Variants in LCNL1 observed in about 807,000 individuals in gnomAD.
The protein encoded by LCNL1 is lipocalin-like 1 protein.
In LCNL1, 11 loss-of-function variants were observed where a neutral mutation model predicts 7.9. The observed-to-expected ratio is 1.40, with a 90% confidence interval of 0.88 to 2.32. LCNL1 has a LOEUF of 2.32. Among genes scored for constraint, LCNL1 ranks in the 30% most tolerant of loss-of-function variants. The pLI is 0.00. For missense variants in LCNL1, 218 were observed against 217.0 expected (o/e 1.00, Z -0.03); for synonymous variants, 90 against 92.5 (o/e 0.97, Z 0.15).
chr9:136,984,548 C>A lies in LCNL1; in HGVS notation c.181C>A (p.Gln61Lys). ...TTFTEGAVPG[Q>K]FSNPAMALSD... is the part of the protein sequence containing the mutation. The stretch of plus-strand genomic sequence containing the variant: ...CTTCACCGAGGGTGCTGTACCGGGG[C>A]AGTTCAGCAACCCAGGTGAGGTGGG... Residue 61 changes from glutamine to lysine, a missense_variant, in exon 2 of 3, where the codon CAG becomes AAG. Gln to Lys is a moderately conservative substitution (Grantham distance 53, BLOSUM62 1). Transcript: ENST00000408973. The A allele has an allele frequency of 6.3e-7, 1 of 1,574,824 alleles. No homozygotes were observed. The highest frequency in any genetic ancestry group is 8.6e-7 in the Non-Finnish European group (1 of 1,159,964).
At position 136,985,198 on chromosome 9, in the gene LCNL1, G is replaced by T. The variant is rs1230735824; in HGVS notation, c.*187G>T. On this transcript the variant is annotated 3_prime_UTR_variant, in exon 3 of 3. Coordinates refer to ENST00000408973, the MANE Select transcript of LCNL1 (RefSeq NM_207510.4). The stretch of plus-strand genomic sequence containing the variant: ...GCCCCGGGTCACACCCCTGCTGGAA[G>T]GGCCAGGCCCTGGTCACTCCACTGA... The T allele has an allele frequency of 4.9e-6, 3 of 612,192 alleles. No homozygotes were observed. The highest frequency in any genetic ancestry group is 2.8e-6 in the Non-Finnish European group (1 of 354,136). The allele number at this position is 612,192 out of a possible 1,614,324, so 37.9% of individuals were successfully genotyped here. A position where few individuals can be genotyped will look rare whatever the true frequency, so the allele number is the denominator to read the frequency against.
At chr9:136,983,990 CTA>C (rs1588489381) in intron 1 of LCNL1, 1 of 465,766 alleles carries the variant, frequency 2.1e-6, no homozygotes, top group South Asian at 2.6e-5. Context: ...GTATGTGTGT[CTA>C]TTTCTGCATG....
rs1830464897 is a variant in LCNL1 at position 136,983,550 on chromosome 9, C to T, written c.-37C>T. ...GGCACAGGGGCGGCCTCCCAGCCTT[C>T]CCTGCACTTGCCCTGCAGTTCCAGG... On this transcript the variant is annotated 5_prime_UTR_variant, in exon 1 of 3. Coordinates refer to ENST00000408973, the MANE Select transcript of LCNL1 (RefSeq NM_207510.4). The T allele has an allele frequency of 6.2e-7, 1 of 1,607,666 alleles. No homozygotes were observed. Among genetic ancestry groups the T allele is most frequent in the East Asian group, 2.2e-5 (1 of 44,670 alleles).
chr9:136,984,163 CTATG>C (rs1405432166), intron 1 of LCNL1: 1 of 441,052 alleles, frequency 2.3e-6, no homozygotes, highest in Non-Finnish European at 4.1e-6. Flanking sequence ...GTGTGCGTGT[CTATG>C]TGTGTGTCTG....
At chr9:136,983,779 G>C in intron 1 of LCNL1, 71 bp downstream of exon 1, 1 of 1,590,972 alleles carries the variant, frequency 6.3e-7, no homozygotes. Flanking sequence ...TGAAGGTCCA[G>C]AGGGACCATG....
At position 136,985,300 on chromosome 9, in the gene LCNL1, C is replaced by G; in HGVS notation, c.*289C>G. The G allele has an allele frequency of 2.4e-6, 1 of 409,140 alleles. No homozygotes were observed. The highest frequency in any genetic ancestry group is 4.4e-6 in the Non-Finnish European group (1 of 229,632). 25.3% of individuals were successfully genotyped at this position (409,140 alleles called of 1,614,324 possible). A position where few individuals can be genotyped will look rare whatever the true frequency, so the allele number is the denominator to read the frequency against. ...GGGGAGGGCGAGACGTTGCCCAGGC[C>G]GGTGTTCCCAGGAGGAGATCGCCTT... is the stretch of plus-strand genomic sequence containing the variant. On this transcript the variant is annotated 3_prime_UTR_variant, in exon 3 of 3. Transcript: ENST00000408973.
rs1830464368 is a variant in LCNL1, at chr9:136,983,482, G to A, written c.-105G>A. On this transcript the variant is annotated 5_prime_UTR_variant, in exon 1 of 3. Transcript: ENST00000408973. ...GTACAGCAGCCCCTGCCGTGGCCAG[G>A]AAGCAGCTGTGTCGGGGCAGAATGT... is the stretch of plus-strand genomic sequence containing the variant. The A allele has an allele frequency of 6.9e-7, 1 of 1,443,348 alleles. No individual in the cohort carries two copies. Among genetic ancestry groups the A allele is most frequent in the African/African-American group, 1.4e-5 (1 of 71,738 alleles). 89.4% of individuals were successfully genotyped at this position (1,443,348 alleles called of 1,614,324 possible).
chr9:136,985,157 CTGCTGG>C lies in LCNL1; in HGVS notation c.*147_*152del. On this transcript the variant is annotated 3_prime_UTR_variant, in exon 3 of 3. Transcript: ENST00000408973. ...AGTCGGGTGAGCGGTGCCGGCAGCC[CTGCTGG>C]GAGGGCCAGGCCCCGGGTCACACCC... 1.2e-6 allele frequency: 1 copy of C among 812,698 alleles called. No individual in the cohort carries two copies. The highest frequency in any genetic ancestry group is 1.9e-6 in the Non-Finnish European group (1 of 529,190). The allele number at this position is 812,698 out of a possible 1,614,324, so 50.3% of individuals were successfully genotyped here.
Position 136,984,867 on chromosome 9 carries a change from G to A in LCNL1, c.351G>A (p.Gly117=), listed in dbSNP as rs200579295. Residue 117 remains glycine, a synonymous_variant, in exon 3 of 3, where the codon GGG becomes GGA. Coordinates refer to ENST00000408973, the MANE Select transcript of LCNL1 (RefSeq NM_207510.4). The stretch of plus-strand genomic sequence containing the variant: ...GGAGACCCAGACACCCCCGCTTCGG[G>A]TCTGGGATGTCACCCCTGTGCCTGC... ...AGRRPRHPRF[G]SGMSPLCLHQ... The A allele has an allele frequency of 1.7e-5, 26 of 1,560,108 alleles. No homozygotes were observed. In the African/African-American group the frequency reaches 2.4e-4, roughly 15 times the overall value.
chr9:136,984,730 A>G lies in LCNL1; in HGVS notation c.214A>G (p.Ile72Val). The G allele has an allele frequency of 6.5e-7, 1 of 1,531,602 alleles. No individual in the cohort carries two copies. The highest frequency in any genetic ancestry group is 1.8e-4 in the Middle Eastern group (1 of 5,676). The allele number at this position is 1,531,602 out of a possible 1,614,324, so 94.9% of individuals were successfully genotyped here. A position where few individuals can be genotyped will look rare whatever the true frequency, so the allele number is the denominator to read the frequency against. Residue 72 changes from isoleucine to valine, a missense_variant, in exon 3 of 3, where the codon ATC (isoleucine) becomes GTC (valine). Coordinates refer to ENST00000408973, the MANE Select transcript of LCNL1 (RefSeq NM_207510.4). ...TCCTCCAGCCATGGCCCTGAGTGAC[A>G]TCCGAGTGGCCTTCTCCGACTACCA... The part of the protein sequence containing the change: ...FSNPAMALSD[I>V]RVAFSDYQHF...
chr9:136,983,689 C>T lies in LCNL1; in HGVS notation c.103C>T (p.Leu35Phe), dbSNP rs1158865781. ...VTPLGNGDLA[L>F]KFGYPTPHGG... is the part of the protein sequence containing the mutation. ...CCCCTTGGGGAATGGTGACCTGGCC[C>T]TCAAGTTTGGATACCCCACGTAAGT... The change falls in exon 1 of 3, where the codon CTC becomes TTC. Residue 35 changes from leucine (L) to phenylalanine (F), a missense_variant. Leu to Phe is a conservative substitution (Grantham distance 22, BLOSUM62 0). Coordinates refer to ENST00000408973, the MANE Select transcript of LCNL1 (RefSeq NM_207510.4). 3.1e-6 allele frequency: 5 copies of T among 1,613,838 alleles called. No individual in the cohort carries two copies. In the African/African-American group the frequency reaches 6.7e-5, roughly 22 times the overall value.
Position 136,985,075 on chromosome 9 carries a change from TGCAGCTACTG to T in LCNL1, c.*67_*76del, listed in dbSNP as rs1830486092. ...CTGTTTCCCGAAGGCGCCCAGAAGA[TGCAGCTACTG>T]GCGCCCCAAGTGGGCCTGAGCCCCA... On this transcript the variant is annotated 3_prime_UTR_variant, in exon 3 of 3. Transcript: ENST00000408973. The T allele has an allele frequency of 7.2e-7, 1 of 1,391,362 alleles. No individual in the cohort carries two copies. Among genetic ancestry groups the T allele is most frequent in the Non-Finnish European group, 9.5e-7 (1 of 1,047,166 alleles). The allele number at this position is 1,391,362 out of a possible 1,614,324, so 86.2% of individuals were successfully genotyped here. A position where few individuals can be genotyped will look rare whatever the true frequency, so the allele number is the denominator to read the frequency against.
chr9:136,984,313 ACCCAC>A, intron 1 of LCNL1, 172 bp from the exon 2 acceptor site: 1 of 563,304 alleles, frequency 1.8e-6, no homozygotes, highest in South Asian at 2.8e-5. Flanking sequence ...GGTACTTAAT[ACCCAC>A]CCCACCCCCA....
chr9:136,984,956 C>T lies in LCNL1; in HGVS notation c.440C>T (p.Pro147Leu). 1 of 1,550,444 alleles carries T rather than the reference C, an allele frequency of 6.4e-7. No homozygotes were observed. The highest frequency in any genetic ancestry group is 8.7e-7 in the Non-Finnish European group (1 of 1,146,966). Reference protein sequence around the residue: ...AGSWCLWPRVPAPPCPSLPLF... With the variant: ...AGSWCLWPRVLAPPCPSLPLF... ...TCCTGGTGTCTGTGGCCGCGGGTCCCGGCCCCTCCCTGCCCCTCTCTCCCT... is the reference window on the plus strand; with the variant it reads ...TCCTGGTGTCTGTGGCCGCGGGTCCTGGCCCCTCCCTGCCCCTCTCTCCCT... The change falls in exon 3 of 3, where the codon CCG (proline) becomes CTG (leucine). Residue 147 changes from proline (P) to leucine (L), a missense_variant. Pro to Leu is a moderately conservative substitution (Grantham distance 98). Transcript: ENST00000408973.
chr9:136,984,978 C>T lies in LCNL1; in HGVS notation c.462C>T (p.Leu154=). 1 of 1,547,310 alleles carries T rather than the reference C, an allele frequency of 6.5e-7. No individual in the cohort carries two copies. The highest frequency in any genetic ancestry group is 8.7e-7 in the Non-Finnish European group (1 of 1,144,714). The part of the protein sequence containing the change: ...PRVPAPPCPS[L]PLFAPPAPSL ...TCCCGGCCCCTCCCTGCCCCTCTCT[C>T]CCTCTCTTCGCCCCTCCAGCCCCTT... The change falls in exon 3 of 3, where the codon CTC becomes CTT. Residue 154 remains leucine, a synonymous_variant. Coordinates refer to ENST00000408973, the MANE Select transcript of LCNL1 (RefSeq NM_207510.4).
rs1176877698 is a variant in LCNL1, at chr9:136,985,066, C to T, written c.*55C>T. On this transcript the variant is annotated 3_prime_UTR_variant, in exon 3 of 3. Coordinates refer to ENST00000408973, the MANE Select transcript of LCNL1 (RefSeq NM_207510.4). The stretch of plus-strand genomic sequence containing the variant: ...GCGCCCGAGCTGTTTCCCGAAGGCG[C>T]CCAGAAGATGCAGCTACTGGCGCCC... 2 of 1,411,444 alleles carry T rather than the reference C, an allele frequency of 1.4e-6. No individual in the cohort carries two copies. Among genetic ancestry groups the T allele is most frequent in the Admixed American group, 2.7e-5 (1 of 36,840 alleles). 87.4% of individuals were successfully genotyped at this position (1,411,444 alleles called of 1,614,324 possible). A position where few individuals can be genotyped will look rare whatever the true frequency, so the allele number is the denominator to read the frequency against.
At position 136,984,925 on chromosome 9, in the gene LCNL1, G is replaced by A; in HGVS notation, c.409G>A (p.Ala137Thr). Reference sequence around the variant, plus strand: ...CTTTCTGCACGCGGAAGGTGGAACCGCTGGCTCCTGGTGTCTGTGGCCGCG... The same window carrying A: ...CTTTCTGCACGCGGAAGGTGGAACCACTGGCTCCTGGTGTCTGTGGCCGCG... ...QPFLHAEGGTAGSWCLWPRVP... is the reference protein window; with the variant it reads ...QPFLHAEGGTTGSWCLWPRVP... Residue 137 changes from alanine to threonine, a missense_variant, in exon 3 of 3, where the codon GCT becomes ACT. Ala to Thr is a moderately conservative substitution (Grantham distance 58). Transcript: ENST00000408973. 1.9e-6 allele frequency: 3 copies of A among 1,553,194 alleles called. No homozygotes were observed. The highest frequency in any genetic ancestry group is 1.7e-6 in the Non-Finnish European group (2 of 1,148,844).
At chr9:136,984,654 G>T (rs895043562) in intron 2 of LCNL1, 59 bp from the exon 3 acceptor site, 8 of 1,513,210 alleles carry the variant, frequency 5.3e-6, no homozygotes, top group African/African-American at 1.4e-5. Context: ...GGCGTGAGGG[G>T]TGCCACGCTC....
chr9:136,983,005 C>G lies in LCNL1; in HGVS notation c.-582C>G, dbSNP rs879023657. ...GCATCCCCAGGCCAGGCCCAGGTCCCCATCCAGGCCAACTTTGATGCCAGC... is the reference window on the plus strand; with the variant it reads ...GCATCCCCAGGCCAGGCCCAGGTCCGCATCCAGGCCAACTTTGATGCCAGC... On this transcript the variant is annotated 5_prime_UTR_variant, in exon 1 of 3. Transcript: ENST00000408973. The G allele has an allele frequency of 6.3e-6, 1 of 157,670 alleles. No homozygotes were observed. Among genetic ancestry groups the G allele is most frequent in the Non-Finnish European group, 1.4e-5 (1 of 70,948 alleles). 9.8% of individuals were successfully genotyped at this position (157,670 alleles called of 1,614,324 possible). A position where few individuals can be genotyped will look rare whatever the true frequency, so the allele number is the denominator to read the frequency against.
Sources: gnomAD v4.1 joint callset for allele counts on GRCh38, gnomAD v4.1.1 for gene constraint, MANE v1.5 for transcripts, NCBI Gene and HGNC (gene_info 2026-07-23, HGNC 2026-07-21) for gene names.